DCDC2: variants seen among roughly 807,000 people sequenced by gnomAD.
DCDC2 encodes the protein doublecortin domain-containing protein 2.
DCDC2 carries 40 observed loss-of-function variants against 50.2 expected under a neutral mutation model. That is an observed-to-expected ratio of 0.80 (90% CI 0.62 to 1.04). The LOEUF (loss-of-function observed/expected upper bound fraction) is 1.04, where lower values mean the gene tolerates loss of function less well. Ranked by LOEUF, DCDC2 falls within the 50% of genes least tolerant of loss-of-function variation. DCDC2 has a pLI of 0.00. For synonymous variants in DCDC2, 234 were observed against 210.6 expected (o/e 1.11, Z -0.96); for missense variants, 570 against 581.9 (o/e 0.98, Z 0.21).
At chr6:24,290,016 C>T (rs9467101) in intron 5 of DCDC2, among the ~76,000 whole-genome samples, 1,660 of 93,430 alleles carry the variant, frequency 0.018, 30 homozygotes, top group Non-Finnish European at 0.021. Flanking sequence ...TTTTTTGAGA[C>T]GGAGTCTCGC....
the DCDC2 span, among the ~76,000 whole-genome samples, chr6:24,380,643 T>C: frequency 0.99 from 150,960 of 152,326 alleles, 74,814 homozygotes; most frequent in Middle Eastern, 1. Flanking sequence ...TTCTTATACA[T>C]GCTAGTTTCT....
intron 5 of DCDC2, among the ~76,000 whole-genome samples, chr6:24,289,931 G>T (rs1763702122): frequency 1.4e-5 from 2 of 140,222 alleles, no homozygotes; most frequent in Non-Finnish European, 3.1e-5. Context: ...TGGGCACCAT[G>T]AGCAAGCCGA....
At chr6:24,252,723 A>G (rs1762817779) in intron 7 of DCDC2, among the ~76,000 whole-genome samples, 1 of 152,236 alleles carries the variant, frequency 6.6e-6, no homozygotes, top group African/African-American at 2.4e-5. Context: ...ACACTGACAC[A>G]GCACTCAGCA....
chr6:24,322,155 C>G (rs1759784010), intron 2 of DCDC2, among the ~76,000 whole-genome samples: 1 of 152,128 alleles, frequency 6.6e-6, no homozygotes, highest in Admixed American at 6.5e-5. Flanking sequence ...GTTTCCTCAG[C>G]AGTGTCTTCT....
At chr6:24,358,888 T>TATATATAATATA (rs1561788413), upstream of DCDC2, among the ~76,000 whole-genome samples, 28 of 14,848 alleles carry the variant, frequency 1.9e-3, no homozygotes, top group South Asian at 4.9e-3. Context: ...ATTATATATA[T>TATATATAATATA]TTATATATAT....
chr6:24,255,235 T>C (rs1762877880), intron 7 of DCDC2, among the ~76,000 whole-genome samples: 2 of 151,940 alleles, frequency 1.3e-5, no homozygotes, highest in South Asian at 4.1e-4. Flanking sequence ...TTTCAACAAA[T>C]TGTACAGCAT....
chr6:24,358,874 ATGTATT>A (rs1561788376), upstream of DCDC2, among the ~76,000 whole-genome samples: 5 of 19,658 alleles, frequency 2.5e-4, no homozygotes, highest in Admixed American at 3.1e-3. Flanking sequence ...TATAATATAT[ATGTATT>A]ATATATATTT....
intron 2 of DCDC2, among the ~76,000 whole-genome samples, chr6:24,317,643 A>G (rs1227016643): frequency 6.6e-6 from 1 of 152,042 alleles, no homozygotes; most frequent in African/African-American, 2.4e-5. Flanking sequence ...GATAAATTTG[A>G]CTAACATAAA....
At chr6:24,242,343 G>A (rs1372730239) in intron 7 of DCDC2, among the ~76,000 whole-genome samples, 1 of 152,016 alleles carries the variant, frequency 6.6e-6, no homozygotes, top group African/African-American at 2.4e-5. Context: ...TCAGCCCATC[G>A]CCTGCACTGA....
chr6:24,381,399 T>A, the DCDC2 span, among the ~76,000 whole-genome samples: 399 of 152,300 alleles, frequency 2.6e-3, 3 homozygotes, highest in African/African-American at 7.1e-3. Context: ...AAGATCTCCC[T>A]CATATGTAGA....
Position 24,298,161 on chromosome 6 carries a change from G to A in DCDC2, c.557+3554C>T, listed in dbSNP as rs117280653. 5.9e-5 allele frequency among the ~76,000 whole-genome samples: 9 copies of A among 152,300 alleles called. No individual in the cohort carries two copies. In the East Asian group the frequency reaches 1.7e-3, roughly 29 times the overall value. The stretch of plus-strand genomic sequence containing the variant: ...AAGGAACACACAACCTAGATACCTC[G>A]CATGCACAGTTCACAATAGGCTTCA... On this transcript the variant is annotated intron_variant, in intron 4 of 9. Coordinates refer to ENST00000378454, the MANE Select transcript of DCDC2 (RefSeq NM_016356.5).
intron 7 of DCDC2, among the ~76,000 whole-genome samples, chr6:24,275,178 T>C (rs992225206): frequency 1.3e-5 from 2 of 152,162 alleles, no homozygotes; most frequent in African/African-American, 2.4e-5. Context: ...ATTACTAAAA[T>C]ATATGACATT....
chr6:24,357,565 G>A lies in DCDC2; in HGVS notation c.186C>T (p.Val62=), dbSNP rs746581382. The change falls in exon 1 of 10, where the codon GTC becomes GTT. Residue 62 remains valine (V), a synonymous_variant. Transcript: ENST00000378454. Reference sequence around the variant, plus strand: ...CAGTCCGCGGGGTGTAGATGTTCCTGACGGCCCCAAAGGGTGCCTGAACGC... The same window carrying A: ...CAGTCCGCGGGGTGTAGATGTTCCTAACGGCCCCAAAGGGTGCCTGAACGC... The part of the protein sequence containing the change: ...TGGVQAPFGA[V]RNIYTPRTGH... 6.2e-6 allele frequency: 10 copies of A among 1,613,412 alleles called. No individual in the cohort carries two copies. Among genetic ancestry groups the A allele is most frequent in the South Asian group, 2.2e-5 (2 of 91,088 alleles).
chr6:24,191,383 G>A (rs555507687), intron 8 of DCDC2, among the ~76,000 whole-genome samples: 1 of 152,232 alleles, frequency 6.6e-6, no homozygotes, highest in African/African-American at 2.4e-5. Context: ...ACCTATTTCT[G>A]GTTACAGCCT....
At chr6:24,266,609 C>A (rs561239165) in intron 7 of DCDC2, among the ~76,000 whole-genome samples, 1 of 152,248 alleles carries the variant, frequency 6.6e-6, no homozygotes, top group African/African-American at 2.4e-5. Flanking sequence ...CAAATGAACA[C>A]TACAATTGAG....
chr6:24,272,093 T>C (rs1261124839), intron 7 of DCDC2, among the ~76,000 whole-genome samples: 1 of 152,024 alleles, frequency 6.6e-6, no homozygotes, highest in East Asian at 1.9e-4. Context: ...AGAATCCTTT[T>C]CGAAAAAGGG....
chr6:24,288,131 T>C (rs916592991), intron 6 of DCDC2, among the ~76,000 whole-genome samples: 3 of 152,216 alleles, frequency 2.0e-5, no homozygotes, highest in Non-Finnish European at 4.4e-5. Context: ...AATAAGAATG[T>C]TGCTTAATTA....
chr6:24,190,356 G>A lies in DCDC2; in HGVS notation c.1024-11724C>T, dbSNP rs182262558. Among the ~76,000 whole-genome samples, 48 of 152,192 alleles carry A rather than the reference G, an allele frequency of 3.2e-4. No homozygotes were observed. In the East Asian group the frequency reaches 8.3e-3, roughly 26 times the overall value. On this transcript the variant is annotated intron_variant, in intron 8 of 9. Transcript: ENST00000378454. ...TTCCCACCTATGAGTGAGAACATGC[G>A]ATGTTTGGTTTTTCGTCCTTGTGGG... is the stretch of plus-strand genomic sequence containing the variant.
chr6:24,339,984 G>A (rs7770684), intron 2 of DCDC2, among the ~76,000 whole-genome samples: 48,722 of 152,052 alleles, frequency 0.32, 9,283 homozygotes, highest in African/African-American at 0.54. Context: ...TTGGTGAAGC[G>A]GTGGAGAGGA....
Sources: gnomAD v4.1 joint callset for allele counts (sites outside exome capture counted in the v4.1 genomes callset) on GRCh38, gnomAD v4.1.1 for gene constraint, MANE v1.5 for transcripts, NCBI Gene and HGNC (gene_info 2026-07-23, HGNC 2026-07-21) for gene names.